The following LARGE1 variants were observed in gnomAD, a reference collection of about 807,000 sequenced individuals.
The protein encoded by LARGE1 is LARGE xylosyl- and glucuronyltransferase 1.
In LARGE1, 43 loss-of-function variants were observed where a neutral mutation model predicts 87.6. The observed-to-expected ratio is 0.49, with a 90% CI of 0.38 to 0.63. The LOEUF (loss-of-function observed/expected upper bound fraction) is 0.63. Among genes scored for constraint, LARGE1 ranks in the 30% least tolerant of loss-of-function variants. LARGE1 has a pLI of 0.00. For synonymous variants in LARGE1, 434 were observed against 394.6 expected (o/e 1.10, Z -1.18); for missense variants, 802 against 1,000.2 (o/e 0.80, Z 2.67).
chr22:33,824,720 A>G (rs16993101), intron 1 of LARGE1, among the ~76,000 whole-genome samples: 12,400 of 152,264 alleles, frequency 0.081, 1,711 homozygotes, highest in African/African-American at 0.29. Context: ...ACCAATTATA[A>G]AGTCCAAACA....
intron 11 of LARGE1, among the ~76,000 whole-genome samples, chr22:33,241,676 A>G (rs1926530767): frequency 6.6e-6 from 1 of 151,936 alleles, no homozygotes; most frequent in Non-Finnish European, 1.5e-5. Flanking sequence ...GTATGTATAT[A>G]TATTACAATG....
intron 1 of LARGE1, among the ~76,000 whole-genome samples, chr22:33,859,520 G>T (rs2063851918): frequency 6.6e-6 from 1 of 152,194 alleles, no homozygotes; most frequent in Non-Finnish European, 1.5e-5. Context: ...CAGGCCCAAA[G>T]CAGTTTCAGG....
In LARGE1 at chr22:33,261,091, A is replaced by G. The variant is rs867692484; in HGVS notation, c.1730+43138T>C. The stretch of plus-strand genomic sequence containing the variant: ...ATGGAATTTCAGTCAACACTCATTC[A>G]GCATGCGTGTACCAGCACCCCTTCG... On this transcript the variant is annotated intron_variant, in intron 11 of 11. Transcript: ENST00000608642. Among the ~76,000 whole-genome samples, 5 of 152,334 alleles carry G rather than the reference A, an allele frequency of 3.3e-5. No homozygotes were observed. The South Asian group carries it at 1.0e-3, about 32-fold the overall frequency.
chr22:33,322,787 T>A (rs1372568858), intron 10 of LARGE1: 1 of 152,140 alleles, frequency 6.6e-6, no homozygotes, highest in African/African-American at 2.4e-5. Flanking sequence ...AAGGGTATTA[T>A]CTAGGGAATA....
intron 11 of LARGE1, among the ~76,000 whole-genome samples, chr22:33,255,284 T>C (rs1055245797): frequency 6.6e-6 from 1 of 152,166 alleles, no homozygotes; most frequent in Non-Finnish European, 1.5e-5. Context: ...ATTTTAACTT[T>C]CACATTCAGT....
intron 9 of LARGE1, among the ~76,000 whole-genome samples, chr22:33,374,642 A>C (rs995307687): frequency 1.3e-5 from 2 of 152,178 alleles, no homozygotes; most frequent in East Asian, 1.9e-4. Flanking sequence ...CAAAGAATGT[A>C]TCTCTCATCT....
rs368645394 is a variant in LARGE1 at position 33,722,202 on chromosome 22, G to A, written c.106+39169C>T. Reference sequence around the variant, plus strand: ...TGGGAGGCGGAGGTTGCAATGAGCCGAGATCACGCCACTGCCCTCTAGCCT... The same window carrying A: ...TGGGAGGCGGAGGTTGCAATGAGCCAAGATCACGCCACTGCCCTCTAGCCT... On this transcript the variant is annotated intron_variant, in intron 2 of 14. Coordinates refer to ENST00000397394, the MANE Select transcript of LARGE1 (RefSeq NM_133642.5). Among the ~76,000 whole-genome samples, 73 of 151,644 alleles carry A rather than the reference G, an allele frequency of 4.8e-4. No individual in the cohort carries two copies. The East Asian group carries it at 0.013, about 27-fold the overall frequency.
At position 33,784,142 on chromosome 22, in the gene LARGE1, C is replaced by T. The variant is rs146221956; in HGVS notation, c.-82-22584G>A. 2.4e-3 allele frequency among the ~76,000 whole-genome samples: 362 copies of T among 152,260 alleles called. 4 individuals are homozygous for T. The highest frequency in any genetic ancestry group is 8.1e-3 in the African/African-American group (338 of 41,554). On this transcript the variant is annotated intron_variant, in intron 1 of 14. Transcript: ENST00000397394. ...GCTTAATTAGAATGGCTTTTCGTTT[C>T]GTTTTGTTTAACAACTGCAACAATT...
At chr22:33,094,784 T>C in the LARGE1 span, among the ~76,000 whole-genome samples, 1 of 152,366 alleles carries the variant, frequency 6.6e-6, no homozygotes. Flanking sequence ...AATGGCGCGA[T>C]GTTGGCTCAC....
intron 5 of LARGE1, among the ~76,000 whole-genome samples, chr22:33,588,775 T>C (rs987190511): frequency 6.6e-6 from 1 of 151,830 alleles, no homozygotes; most frequent in African/African-American, 2.4e-5. Context: ...AGGACCCGAA[T>C]CCTACACTCT....
At chr22:33,842,268 G>T (rs1487441750) in intron 1 of LARGE1, among the ~76,000 whole-genome samples, 2 of 152,136 alleles carry the variant, frequency 1.3e-5, no homozygotes, top group African/African-American at 2.4e-5. Flanking sequence ...ACTCGAAAAT[G>T]ACACTTACTA....
chr22:33,271,751 G>C (rs1011550078), downstream of LARGE1, among the ~76,000 whole-genome samples: 1 of 152,248 alleles, frequency 6.6e-6, no homozygotes, highest in East Asian at 1.9e-4. Context: ...TGGGAATGCA[G>C]GCTGCTGGCT....
intron 7 of LARGE1, among the ~76,000 whole-genome samples, chr22:33,416,160 A>G (rs959367282): frequency 1.3e-5 from 2 of 152,226 alleles, no homozygotes; most frequent in Non-Finnish European, 2.9e-5. Context: ...GATTTGCCCA[A>G]GACCATTCAG....
chr22:33,330,599 A>T (rs1330459204), intron 10 of LARGE1, among the ~76,000 whole-genome samples: 1 of 152,234 alleles, frequency 6.6e-6, no homozygotes, highest in Non-Finnish European at 1.5e-5. Flanking sequence ...ATAATAACCA[A>T]TGCATACCAA....
At chr22:33,130,313 CAAAAAAAAAAAA>C in the LARGE1 span, among the ~76,000 whole-genome samples, 3 of 57,036 alleles carry the variant, frequency 5.3e-5, no homozygotes, top group South Asian at 7.0e-4. Context: ...GATTCCGTCT[CAAAAAAAAAAAA>C]AAAAAAAAAA....
intron 9 of LARGE1, among the ~76,000 whole-genome samples, chr22:33,347,369 G>A (rs1231340386): frequency 6.6e-6 from 1 of 152,204 alleles, no homozygotes; most frequent in Non-Finnish European, 1.5e-5. Context: ...CACGCAGTTA[G>A]TATTCAGTAG....
intron 1 of LARGE1, among the ~76,000 whole-genome samples, chr22:33,788,814 G>A (rs1353375301): frequency 6.6e-6 from 1 of 152,160 alleles, no homozygotes; most frequent in Non-Finnish European, 1.5e-5. Flanking sequence ...GCGTTCAAGA[G>A]GTGACTTGGG....
chr22:33,498,832 G>C (rs968212522), intron 6 of LARGE1, among the ~76,000 whole-genome samples: 1 of 152,052 alleles, frequency 6.6e-6, no homozygotes, highest in East Asian at 1.9e-4. Context: ...TTAGCCGGGA[G>C]TGGTGGCGGG....
In LARGE1 at chr22:33,508,528, T is replaced by C. The variant is rs78578746; in HGVS notation, c.787+56320A>G. Among the ~76,000 whole-genome samples the C allele has an allele frequency of 9.6e-3, 1,468 of 152,350 alleles. 26 individuals carry two copies. The highest frequency in any genetic ancestry group is 0.034 in the African/African-American group (1,411 of 41,578). On this transcript the variant is annotated intron_variant, in intron 6 of 14. Transcript: ENST00000397394. ...GAAAATTCTCTTTCCTTGGTTTCTC[T>C]TCTTTCTCGCGACACTCTCACCAAA... is the stretch of plus-strand genomic sequence containing the variant.
Sources: allele counts gnomAD v4.1 joint callset (sites outside exome capture counted in the v4.1 genomes callset), GRCh38; gene constraint gnomAD v4.1.1; transcripts MANE v1.5; gene names NCBI Gene and HGNC (gene_info 2026-07-23, HGNC 2026-07-21).